The following CDKAL1 variants were observed in gnomAD, a reference collection of about 807,000 sequenced individuals.
CDKAL1 encodes CDKAL1 threonylcarbamoyladenosine tRNA methylthiotransferase.
A neutral mutation model predicts 68.2 loss-of-function variants in CDKAL1; 32 were observed. The ratio of observed to expected loss-of-function variants is 0.47; its 90% CI spans 0.35 to 0.63. The LOEUF (loss-of-function observed/expected upper bound fraction) is 0.63, where lower values mean the gene tolerates loss of function less well. Ranked by LOEUF, CDKAL1 falls within the 30% of genes least tolerant of loss-of-function variation. The probability of loss-of-function intolerance (pLI) is 0.00; values close to 1 mark genes in which losing one functional copy is unlikely to be tolerated. For missense variants in CDKAL1, 606 were observed against 696.7 expected, an observed-to-expected ratio of 0.87 and a Z score of 1.47; for synonymous variants, 234 against 244.3, an observed-to-expected ratio of 0.96 and a Z score of 0.39.
intron 12 of CDKAL1, among the ~76,000 whole-genome samples, chr6:21,099,981 A>G (rs1773502787): frequency 6.6e-6 from 1 of 152,246 alleles, no homozygotes; most frequent in Admixed American, 6.5e-5. Context: ...TGAGCTTGAT[A>G]GGAGAAGGTA....
chr6:20,844,724 A>T (rs1038437065), intron 8 of CDKAL1, among the ~76,000 whole-genome samples: 1 of 152,062 alleles, frequency 6.6e-6, no homozygotes, highest in African/African-American at 2.4e-5. Flanking sequence ...AAACAAAAAA[A>T]AGAAAATATC....
At chr6:20,812,580 TC>T (rs2150424961) in intron 8 of CDKAL1, among the ~76,000 whole-genome samples, 1 of 152,318 alleles carries the variant, frequency 6.6e-6, no homozygotes, top group South Asian at 2.1e-4. Context: ...CTGCCTTCTG[TC>T]AGTATAGATT....
intron 11 of CDKAL1, among the ~76,000 whole-genome samples, chr6:21,044,507 G>C (rs1485085969): frequency 2.0e-5 from 3 of 151,966 alleles, no homozygotes; most frequent in African/African-American, 7.3e-5. Flanking sequence ...TCCTTTACCA[G>C]GTTCTCTAAG....
At chr6:20,733,547 A>G (rs1773053596) in intron 5 of CDKAL1, among the ~76,000 whole-genome samples, 1 of 152,238 alleles carries the variant, frequency 6.6e-6, no homozygotes, top group African/African-American at 2.4e-5. Flanking sequence ...CTTGAGTTGT[A>G]TAACAAAAGT....
intron 9 of CDKAL1, among the ~76,000 whole-genome samples, chr6:20,933,645 G>T (rs565936453): frequency 6.6e-6 from 1 of 152,286 alleles, no homozygotes; most frequent in East Asian, 1.9e-4. Context: ...GAAGCATTTT[G>T]TAACTAATTG....
intron 5 of CDKAL1, among the ~76,000 whole-genome samples, chr6:20,732,283 T>TTTGTTG (rs1554112043): frequency 8.5e-6 from 1 of 117,488 alleles, no homozygotes; most frequent in African/African-American, 2.9e-5. Flanking sequence ...TTTTTTTTTT[T>TTTGTTG]TTGTTGTTGT....
At chr6:20,653,618 A>T (rs1229673228) in intron 5 of CDKAL1, among the ~76,000 whole-genome samples, 1 of 138,422 alleles carries the variant, frequency 7.2e-6, no homozygotes, top group African/African-American at 2.7e-5. Context: ...CACCCGGCTA[A>T]TTTTTTTTTT....
chr6:21,071,177 T>A (rs1771751334), intron 12 of CDKAL1, among the ~76,000 whole-genome samples: 1 of 152,232 alleles, frequency 6.6e-6, no homozygotes, highest in Admixed American at 6.5e-5. Context: ...CTTTGTGTCC[T>A]CACCCAAATC....
chr6:20,872,350 A>C (rs1435999877), intron 9 of CDKAL1, among the ~76,000 whole-genome samples: 1 of 152,190 alleles, frequency 6.6e-6, no homozygotes, highest in African/African-American at 2.4e-5. Flanking sequence ...TCAAAATTAT[A>C]CTCAGAACTA....
intron 9 of CDKAL1, among the ~76,000 whole-genome samples, chr6:20,850,306 G>C (rs1758938921): frequency 6.6e-6 from 1 of 151,616 alleles, no homozygotes; most frequent in South Asian, 2.1e-4. Context: ...TTTTTTAATG[G>C]CTCCTGTATG....
intron 13 of CDKAL1, among the ~76,000 whole-genome samples, chr6:21,130,906 G>C (rs959121677): frequency 6.6e-6 from 1 of 152,188 alleles, no homozygotes; most frequent in African/African-American, 2.4e-5. Flanking sequence ...CTGCCAGCTA[G>C]TGGTGGATTT....
intron 13 of CDKAL1, among the ~76,000 whole-genome samples, chr6:21,117,585 T>G (rs1455463163): frequency 6.6e-6 from 1 of 152,106 alleles, no homozygotes. Flanking sequence ...TGTAGTGAGC[T>G]GTGATTGCAC....
intron 13 of CDKAL1, among the ~76,000 whole-genome samples, chr6:21,185,648 C>T (rs577854781): frequency 4.2e-4 from 64 of 152,170 alleles, no homozygotes; most frequent in Non-Finnish European, 8.2e-4. Context: ...TGTGTGTGTG[C>T]GTGCCTGTGT....
intron 5 of CDKAL1, among the ~76,000 whole-genome samples, chr6:20,713,146 C>T (rs1004329123): frequency 6.6e-6 from 1 of 152,126 alleles, no homozygotes; most frequent in Non-Finnish European, 1.5e-5. Context: ...AGGTAAGAGA[C>T]TTTACCCTCT....
In CDKAL1 at chr6:20,630,431, G is replaced by C. The variant is rs148606850; in HGVS notation, c.287-18862G>C. On this transcript the variant is annotated intron_variant, in intron 4 of 15. Coordinates refer to ENST00000274695, the MANE Select transcript of CDKAL1 (RefSeq NM_017774.3). ...CTTTATGCTGAATTTGTCTAGAAGG[G>C]TAGGGAGGTAAAAGGAACTGCAGTC... 7.8e-3 allele frequency among the ~76,000 whole-genome samples: 1,187 copies of C among 151,946 alleles called. 16 individuals carry two copies. The highest frequency in any genetic ancestry group is 0.025 in the African/African-American group (1,051 of 41,462).
intron 5 of CDKAL1, among the ~76,000 whole-genome samples, chr6:20,667,767 A>C (rs1769621474): frequency 6.6e-6 from 1 of 152,114 alleles, no homozygotes; most frequent in South Asian, 2.1e-4. Context: ...TTCTGGGGTA[A>C]ATTTTAAATC....
intron 8 of CDKAL1, among the ~76,000 whole-genome samples, chr6:20,826,623 C>T (rs923722780): frequency 1.3e-5 from 2 of 152,048 alleles, no homozygotes; most frequent in Non-Finnish European, 2.9e-5. Flanking sequence ...TGTTTTGCTG[C>T]GAGATGCATG....
chr6:20,932,577 G>C (rs1200389463), intron 9 of CDKAL1, among the ~76,000 whole-genome samples: 6 of 152,130 alleles, frequency 3.9e-5, no homozygotes. Flanking sequence ...TCTGTTAATT[G>C]AGTTGAGACA....
intron 11 of CDKAL1, among the ~76,000 whole-genome samples, chr6:21,031,226 G>A (rs956466215): frequency 1.3e-5 from 2 of 151,838 alleles, no homozygotes; most frequent in East Asian, 2.0e-4. Flanking sequence ...ACCATTCTCA[G>A]CTCCTAGCAG....
Sources: allele counts gnomAD v4.1 joint callset (sites outside exome capture counted in the v4.1 genomes callset), GRCh38; gene constraint gnomAD v4.1.1; transcripts MANE v1.5; gene names NCBI Gene and HGNC (gene_info 2026-07-23, HGNC 2026-07-21).